PTPRN2: variants seen among roughly 807,000 people sequenced by gnomAD.
PTPRN2 encodes receptor-type tyrosine-protein phosphatase N2.
Under a neutral mutation model 118.8 loss-of-function variants are expected in PTPRN2, and 74 were observed. That is an observed-to-expected ratio of 0.62 (90% CI 0.52 to 0.76). The LOEUF (loss-of-function observed/expected upper bound fraction) is 0.76. PTPRN2 is among the 30% of genes least tolerant of loss of function. The pLI, the probability that PTPRN2 is intolerant of heterozygous loss-of-function variation, is 0.00. For synonymous variants in PTPRN2, 641 were observed against 608.0 expected (o/e 1.05, Z -0.80); for missense variants, 1,481 against 1,394.4 (o/e 1.06, Z -0.99).
At chr7:158,020,698 C>A (rs1806810711) in intron 11 of PTPRN2, among the ~76,000 whole-genome samples, 1 of 152,158 alleles carries the variant, frequency 6.6e-6, no homozygotes, top group Non-Finnish European at 1.5e-5. Context: ...AGCCAACACC[C>A]AATGATTATG....
chr7:158,156,051 A>G (rs1821791050), intron 6 of PTPRN2, among the ~76,000 whole-genome samples: 1 of 152,200 alleles, frequency 6.6e-6, no homozygotes, highest in African/African-American at 2.4e-5. Context: ...GTAGTAAAAT[A>G]TATTCTGCTT....
intron 3 of PTPRN2, among the ~76,000 whole-genome samples, chr7:158,213,089 C>G (rs1187692856): frequency 6.6e-6 from 1 of 151,952 alleles, no homozygotes; most frequent in Non-Finnish European, 1.5e-5. Context: ...TTAGAACTAC[C>G]CCATGCAATT....
intron 3 of PTPRN2, among the ~76,000 whole-genome samples, chr7:158,263,677 G>C (rs1294876301): frequency 6.6e-6 from 1 of 152,190 alleles, no homozygotes; most frequent in Non-Finnish European, 1.5e-5. Context: ...TGGCCTGCTG[G>C]CTAAGGGGAA....
chr7:158,143,059 C>T (rs374360334), intron 6 of PTPRN2, among the ~76,000 whole-genome samples: 1 of 152,286 alleles, frequency 6.6e-6, no homozygotes, highest in South Asian at 2.1e-4. Flanking sequence ...CATTCTCATT[C>T]ACTGCAGTCT....
chr7:158,218,157 G>T (rs1828087834), intron 3 of PTPRN2, among the ~76,000 whole-genome samples: 1 of 152,138 alleles, frequency 6.6e-6, no homozygotes. Context: ...CTCCAAGGTT[G>T]TTGTGAAAGA....
At position 157,671,169 on chromosome 7, in the gene PTPRN2, T is replaced by C. The variant is rs1376201288; in HGVS notation, c.2001+11556A>G. On this transcript the variant is annotated intron_variant, in intron 13 of 22. Coordinates refer to ENST00000389418, the MANE Select transcript of PTPRN2 (RefSeq NM_002847.5). The surrounding 1 kb of genome is among the most constrained non-coding windows in gnomAD (Gnocchi z 4.1). ...TCAAGATCTTAGTTCAATGTATCGATTCATTCTTATCGAGCATGTAAAGGT... is the reference window on the plus strand; with the variant it reads ...TCAAGATCTTAGTTCAATGTATCGACTCATTCTTATCGAGCATGTAAAGGT... Among the ~76,000 whole-genome samples the C allele has an allele frequency of 1.3e-5, 2 of 149,802 alleles. No individual in the cohort carries two copies. Among genetic ancestry groups the C allele is most frequent in the Admixed American group, 1.3e-4 (2 of 15,068 alleles).
intron 3 of PTPRN2, among the ~76,000 whole-genome samples, chr7:158,253,464 G>T (rs1027746513): frequency 2.0e-5 from 3 of 152,208 alleles, no homozygotes; most frequent in African/African-American, 7.2e-5. Flanking sequence ...CAGTCACCGG[G>T]TGATTGCCGC....
At chr7:158,260,060 C>T (rs1797296705) in intron 3 of PTPRN2, among the ~76,000 whole-genome samples, 1 of 152,180 alleles carries the variant, frequency 6.6e-6, no homozygotes, top group South Asian at 2.1e-4. Context: ...TGTGTGCATG[C>T]ACATATTTGT....
intron 14 of PTPRN2, 74 bp downstream of exon 14, chr7:157,656,283 T>C: frequency 7.0e-7 from 1 of 1,420,566 alleles, no homozygotes; most frequent in Non-Finnish European, 9.6e-7. Flanking sequence ...CGGGCGCAGA[T>C]GCTGGGTGTT....
At chr7:158,429,525 C>A (rs1049499111) in intron 2 of PTPRN2, among the ~76,000 whole-genome samples, 1 of 152,220 alleles carries the variant, frequency 6.6e-6, no homozygotes, top group Non-Finnish European at 1.5e-5. Context: ...CCCTTAGACC[C>A]GCTGGTGATG....
At chr7:158,556,985 GGCTCCCACGCAGGTC>G (rs559881947) in intron 1 of PTPRN2, among the ~76,000 whole-genome samples, 2,878 of 125,602 alleles carry the variant, frequency 0.023, 105 homozygotes, top group African/African-American at 0.086. Flanking sequence ...CAGGTCAGGC[GGCTCCCACGCAGGTC>G]GCTCCCACGC....
intron 11 of PTPRN2, among the ~76,000 whole-genome samples, chr7:157,918,217 G>C (rs1300844442): frequency 6.6e-6 from 1 of 152,226 alleles, no homozygotes; most frequent in African/African-American, 2.4e-5. Context: ...TAAAATGTGG[G>C]AGAAATGAGG....
intron 12 of PTPRN2, among the ~76,000 whole-genome samples, chr7:157,708,060 C>T (rs1798421388): frequency 6.6e-6 from 1 of 152,248 alleles, no homozygotes; most frequent in Admixed American, 6.5e-5. Context: ...TGCCTTGGGC[C>T]GCTGGGGCCA....
intron 2 of PTPRN2, among the ~76,000 whole-genome samples, chr7:158,414,950 A>C (rs192937483): frequency 7.7e-4 from 118 of 152,304 alleles, no homozygotes; most frequent in African/African-American, 2.7e-3. Context: ...TGAGCACTCC[A>C]GCCATAATAC....
At chr7:158,469,242 G>T (rs1301678940) in intron 2 of PTPRN2, among the ~76,000 whole-genome samples, 1 of 152,182 alleles carries the variant, frequency 6.6e-6, no homozygotes, top group Non-Finnish European at 1.5e-5. Context: ...AGGAGTTTGA[G>T]ACCAGCCTGG....
chr7:157,758,293 C>T (rs957452935), intron 12 of PTPRN2, among the ~76,000 whole-genome samples: 2 of 152,344 alleles, frequency 1.3e-5, no homozygotes, highest in Non-Finnish European at 2.9e-5. Context: ...GGCGCCATTC[C>T]CCGTGGCCTG....
rs751586594 is a variant in PTPRN2 at position 158,138,353 on chromosome 7, C to A, written c.1073G>T (p.Gly358Val). Residue 358 changes from glycine to valine, a missense_variant, in exon 7 of 23, where the codon GGA becomes GTA. Gly to Val is a moderately radical substitution (Grantham distance 109). Around this residue, in one of 3 missense-constraint regions of PTPRN2, gnomAD observed 1,115 missense variants for 994.2 expected, o/e 1.12. Coordinates refer to ENST00000389418, the MANE Select transcript of PTPRN2 (RefSeq NM_002847.5). ...ARGSPGRAAL[G>V]ESGEQADGPK... ...GCCATCCGCCTGTTCTCCAGACTCTCCCAGGGCCGCTCTCCCAGGGCTGCC... is the reference window on the plus strand; with the variant it reads ...GCCATCCGCCTGTTCTCCAGACTCTACCAGGGCCGCTCTCCCAGGGCTGCC... The A allele has an allele frequency of 6.2e-7, 1 of 1,613,784 alleles. No homozygotes were observed. The highest frequency in any genetic ancestry group is 8.5e-7 in the Non-Finnish European group (1 of 1,180,028).
intron 21 of PTPRN2, among the ~76,000 whole-genome samples, chr7:157,564,812 C>A (rs1216299050): frequency 6.6e-6 from 1 of 152,198 alleles, no homozygotes; most frequent in Non-Finnish European, 1.5e-5. Flanking sequence ...GCGATTCCGC[C>A]CCAGGGACAT....
At chr7:157,773,245 C>G (rs992461447) in intron 12 of PTPRN2, among the ~76,000 whole-genome samples, 4 of 152,194 alleles carry the variant, frequency 2.6e-5, no homozygotes, top group African/African-American at 9.7e-5. Context: ...GGTCATGCTC[C>G]GGCTGGCCTT....
Sources: gnomAD v4.1 joint callset for allele counts (sites outside exome capture counted in the v4.1 genomes callset) on GRCh38, gnomAD v4.1.1 for gene constraint, gnomAD v4.1.1 regional missense constraint, Gnocchi (gnomAD v3.1) non-coding constraint, MANE v1.5 for transcripts, NCBI Gene and HGNC (gene_info 2026-07-23, HGNC 2026-07-21) for gene names.